The following ABCA13 variants were observed in gnomAD, a reference collection of about 807,000 sequenced individuals.
The protein encoded by ABCA13 is ATP binding cassette subfamily A member 13, also known as ATP-binding cassette sub-family A member 13.
ABCA13 carries 476 observed loss-of-function variants against 478.7 expected under a neutral mutation model. The observed-to-expected ratio is 0.99, with a 90% CI of 0.92 to 1.07. The LOEUF (loss-of-function observed/expected upper bound fraction) is 1.07. Ranked by LOEUF, ABCA13 falls within the 50% of genes least tolerant of loss-of-function variation. ABCA13 has a pLI of 0.00. For synonymous variants in ABCA13, 2,252 were observed against 2,158.9 expected, an observed-to-expected ratio of 1.04 and a Z score of -1.20; for missense variants, 6,060 against 5,910.6, an observed-to-expected ratio of 1.03 and a Z score of -0.83.
chr7:48,489,969 A>T (rs181128331), intron 48 of ABCA13, among the ~76,000 whole-genome samples: 1 of 152,344 alleles, frequency 6.6e-6, no homozygotes, highest in Admixed American at 6.5e-5. Flanking sequence ...AAGAAGTATA[A>T]GCAACAGGCC....
intron 49 of ABCA13, among the ~76,000 whole-genome samples, chr7:48,507,498 G>GCTA (rs1284161077): frequency 1.3e-5 from 2 of 152,206 alleles, no homozygotes; most frequent in Non-Finnish European, 2.9e-5. Context: ...TCTGGCAGGT[G>GCTA]CTACTGTATT....
intron 55 of ABCA13, among the ~76,000 whole-genome samples, chr7:48,536,078 G>A (rs1282959910): frequency 6.6e-6 from 1 of 152,174 alleles, no homozygotes; most frequent in Non-Finnish European, 1.5e-5. Context: ...TGTAGCAAAA[G>A]TTCACGATAT....
chr7:48,343,590 T>TG (rs1807584273), intron 29 of ABCA13, among the ~76,000 whole-genome samples: 1 of 90,734 alleles, frequency 1.1e-5, no homozygotes, highest in African/African-American at 3.7e-5. Flanking sequence ...ATATAGATTT[T>TG]CTTTTTTTTT....
chr7:48,257,195 T>C (rs974912962), intron 15 of ABCA13, among the ~76,000 whole-genome samples: 1 of 152,156 alleles, frequency 6.6e-6, no homozygotes, highest in East Asian at 1.9e-4. Flanking sequence ...GGGCAGACTA[T>C]GGGGTTTTCT....
At chr7:48,230,894 A>G (rs773188856) in intron 7 of ABCA13, among the ~76,000 whole-genome samples, 1 of 152,134 alleles carries the variant, frequency 6.6e-6, no homozygotes, top group Non-Finnish European at 1.5e-5. Flanking sequence ...AGCACTTCCT[A>G]TGAGCCAAAC....
chr7:48,516,933 ACGGTGTTAACTCATGC>A, intron 52 of ABCA13, 52 bp downstream of exon 52: 2 of 1,565,044 alleles, frequency 1.3e-6, no homozygotes, highest in Non-Finnish European at 1.7e-6. Flanking sequence ...TAGTGCAAAG[ACGGTGTTAACTCATGC>A]CTCTTTTGTT....
Position 48,274,100 on chromosome 7 carries a change from T to C in ABCA13, c.4434T>C (p.Phe1478=). The change falls in exon 17 of 62, where the codon TTT becomes TTC. Residue 1478 remains phenylalanine, a synonymous_variant. Transcript: ENST00000435803. ...DFLNIVLTTV[F]EKEKKPKFEI... ...TAAATATTGTACTTACTACAGTCTT[T>C]GAAAAAGAGAAGAAACCTAAATTTG... is the stretch of plus-strand genomic sequence containing the variant. 2 of 1,606,928 alleles carry C rather than the reference T, an allele frequency of 1.2e-6. No homozygotes were observed. Among genetic ancestry groups the C allele is most frequent in the Non-Finnish European group, 1.7e-6 (2 of 1,176,436 alleles).
At chr7:48,378,586 T>A (rs765102281) in intron 35 of ABCA13, among the ~76,000 whole-genome samples, 22 of 152,102 alleles carry the variant, frequency 1.4e-4, no homozygotes, top group Non-Finnish European at 2.2e-4. Flanking sequence ...GCCCTCCCAT[T>A]AGGTGAAGGT....
intron 59 of ABCA13, among the ~76,000 whole-genome samples, chr7:48,622,769 A>G (rs1793267927): frequency 6.6e-6 from 1 of 152,208 alleles, no homozygotes. Flanking sequence ...TAAGTGCTTT[A>G]TACACATGAA....
chr7:48,489,390 A>G (rs773229856), intron 48 of ABCA13, 46 bp downstream of exon 48: 18 of 1,451,212 alleles, frequency 1.2e-5, no homozygotes, highest in Non-Finnish European at 1.6e-5. Context: ...TTCAAAAGAC[A>G]ATGTTTTTAA....
chr7:48,366,434 A>G (rs1424853625), intron 31 of ABCA13, among the ~76,000 whole-genome samples: 2 of 152,028 alleles, frequency 1.3e-5, no homozygotes, highest in Non-Finnish European at 2.9e-5. Context: ...ACTACCTGAT[A>G]TTATGCATCT....
chr7:48,187,617 G>A (rs1273959716), intron 1 of ABCA13, among the ~76,000 whole-genome samples: 1 of 151,814 alleles, frequency 6.6e-6, no homozygotes, highest in Non-Finnish European at 1.5e-5. Flanking sequence ...TATTGTTATT[G>A]TAAGCTGTTT....
At chr7:48,526,212 G>A (rs1208788862) in intron 54 of ABCA13, among the ~76,000 whole-genome samples, 3 of 151,978 alleles carry the variant, frequency 2.0e-5, no homozygotes, top group Non-Finnish European at 4.4e-5. Context: ...CCTCAGGGGA[G>A]AAGGAGGGGC....
At chr7:48,339,462 C>T (rs1047476980) in intron 29 of ABCA13, among the ~76,000 whole-genome samples, 1 of 152,164 alleles carries the variant, frequency 6.6e-6, no homozygotes, top group African/African-American at 2.4e-5. Flanking sequence ...TGAGAGATTT[C>T]CTGTGTGGAA....
intron 48 of ABCA13, among the ~76,000 whole-genome samples, chr7:48,505,635 T>G (rs1831139218): frequency 6.6e-6 from 1 of 152,204 alleles, no homozygotes; most frequent in Admixed American, 6.5e-5. Context: ...GAAATCTGAT[T>G]ACTCTCACAG....
At chr7:48,524,500 G>T in intron 54 of ABCA13, 60 bp downstream of exon 54, 1 of 1,435,318 alleles carries the variant, frequency 7.0e-7, no homozygotes, top group Non-Finnish European at 9.4e-7. Context: ...TCTAGTAGCT[G>T]ATCTGCTTGT....
chr7:48,262,358 C>T (rs1346038364), intron 15 of ABCA13, among the ~76,000 whole-genome samples: 2 of 151,772 alleles, frequency 1.3e-5, no homozygotes, highest in African/African-American at 4.8e-5. Context: ...TATCTAAACC[C>T]ATCTGCATAT....
At chr7:48,522,084 C>A (rs1439864196) in intron 53 of ABCA13, among the ~76,000 whole-genome samples, 2 of 152,198 alleles carry the variant, frequency 1.3e-5, no homozygotes, top group African/African-American at 2.4e-5. Context: ...CTGATGCCTT[C>A]TCCGTGTTTC....
In ABCA13 at chr7:48,335,645, G is replaced by A. The variant is rs868204843; in HGVS notation, c.10113+110G>A. On this transcript the variant is annotated intron_variant, in intron 28 of 61. Transcript: ENST00000435803. Reference sequence around the variant, plus strand: ...CTACAGAGTCACATCAGGCATAGTGGTTCTAGTTGACTCATATAATTGACA... The same window carrying A: ...CTACAGAGTCACATCAGGCATAGTGATTCTAGTTGACTCATATAATTGACA... The A allele has an allele frequency of 1.0e-5, 7 of 690,194 alleles. No homozygotes were observed. In the African/African-American group the frequency reaches 1.1e-4, roughly 11 times the overall value. 42.8% of individuals were successfully genotyped at this position (690,194 alleles called of 1,614,324 possible). A position where few individuals can be genotyped will look rare whatever the true frequency, so the allele number is the denominator to read the frequency against.
Sources: gnomAD v4.1 joint callset for allele counts (sites outside exome capture counted in the v4.1 genomes callset) on GRCh38, gnomAD v4.1.1 for gene constraint, MANE v1.5 for transcripts, NCBI Gene and HGNC (gene_info 2026-07-23, HGNC 2026-07-21) for gene names.